Variants in AGPAT3 observed in about 807,000 individuals in gnomAD.
AGPAT3 encodes 1-acyl-sn-glycerol-3-phosphate acyltransferase gamma.
Under a neutral mutation model 47.3 loss-of-function variants are expected in AGPAT3, and 5 were observed. The observed-to-expected ratio is 0.11, with a 90% CI of 0.06 to 0.22. The LOEUF (loss-of-function observed/expected upper bound fraction) is 0.22, where lower values mean the gene tolerates loss of function less well. Among genes scored for constraint, AGPAT3 ranks in the 10% least tolerant of loss-of-function variants. The probability of loss-of-function intolerance (pLI) is 1.00; values close to 1 mark genes in which losing one functional copy is unlikely to be tolerated. For synonymous variants in AGPAT3, 212 were observed against 208.3 expected, an observed-to-expected ratio of 1.02 and a Z score of -0.15; for missense variants, 315 against 493.0, an observed-to-expected ratio of 0.64 and a Z score of 3.42.
rs188641237 is a variant in AGPAT3 at position 43,932,572 on chromosome 21, C to T, written c.-48-27062C>T. Among the ~76,000 whole-genome samples, 23 of 152,324 alleles carry T rather than the reference C, an allele frequency of 1.5e-4. No homozygotes were observed. The East Asian group carries it at 3.5e-3, about 23-fold the overall frequency. ...GGGGTGATGCTGCAGTGAACATGGG[C>T]GTGCCGGTGTCTATTTGACACACTG... On this transcript the variant is annotated intron_variant, in intron 2 of 9. Coordinates refer to ENST00000291572, the MANE Select transcript of AGPAT3 (RefSeq NM_020132.5). The surrounding 1 kb of genome is among the most constrained non-coding windows in gnomAD (Gnocchi z 5.2).
chr21:43,907,029 C>G (rs969666060), intron 2 of AGPAT3, among the ~76,000 whole-genome samples: 1 of 128,816 alleles, frequency 7.8e-6, no homozygotes, highest in African/African-American at 3.0e-5. Flanking sequence ...TCTTTTCTTT[C>G]TTTTTTTTTT....
chr21:43,959,868 C>T lies in AGPAT3; in HGVS notation c.178+9C>T, dbSNP rs2088742288. Reference sequence around the variant, plus strand: ...CTACTCACTCTGGAGCCGTGAGTGTCTGCTGGGCCAGTCCCTGCCGCCTGG... The same window carrying T: ...CTACTCACTCTGGAGCCGTGAGTGTTTGCTGGGCCAGTCCCTGCCGCCTGG... On this transcript the variant is annotated intron_variant, in intron 3 of 9. Transcript: ENST00000291572. 3 of 1,600,178 alleles carry T rather than the reference C, an allele frequency of 1.9e-6. No individual in the cohort carries two copies. Among genetic ancestry groups the T allele is most frequent in the Admixed American group, 3.4e-5 (2 of 58,520 alleles).
chr21:43,959,905 G>A, intron 3 of AGPAT3, 46 bp downstream of exon 3: 1 of 1,549,594 alleles, frequency 6.5e-7, no homozygotes, highest in Non-Finnish European at 8.7e-7. Flanking sequence ...GCTCCCGTGG[G>A]GGTGGCGCGC....
chr21:43,874,359 T>A (rs2085689061), intron 1 of AGPAT3, among the ~76,000 whole-genome samples: 1 of 152,266 alleles, frequency 6.6e-6, no homozygotes, highest in Non-Finnish European at 1.5e-5. Flanking sequence ...GTAGCTTTCC[T>A]ACTTAGTTCT....
At chr21:43,902,964 C>T (rs1286228524) in intron 1 of AGPAT3, among the ~76,000 whole-genome samples, 1 of 152,012 alleles carries the variant, frequency 6.6e-6, no homozygotes, top group East Asian at 1.9e-4. Flanking sequence ...TGTGCCACGG[C>T]GACTCCAGCC....
At chr21:43,973,758 A>T (rs2089492723) in intron 7 of AGPAT3, among the ~76,000 whole-genome samples, 1 of 152,178 alleles carries the variant, frequency 6.6e-6, no homozygotes, top group African/African-American at 2.4e-5. Flanking sequence ...TCCCCACAGC[A>T]TGGGGCTGGC....
Position 43,981,160 on chromosome 21 carries a change from C to G in AGPAT3, c.1015C>G (p.Leu339Val). Residue 339 changes from leucine to valine, a missense_variant, in exon 9 of 10, where the codon CTG becomes GTG. Leu to Val is a conservative substitution (Grantham distance 32, BLOSUM62 1). Coordinates refer to ENST00000291572, the MANE Select transcript of AGPAT3 (RefSeq NM_020132.5). This position sits in a 1 kb window ranked among gnomAD's most constrained non-coding sequence, Gnocchi z 5.3. Reference sequence around the variant, plus strand: ...TGCCAGCGGATCACCTCTCCTGATCCTGACTTTCTTGGGGTTTGTGGGAGC... The same window carrying G: ...TGCCAGCGGATCACCTCTCCTGATCGTGACTTTCTTGGGGTTTGTGGGAGC... Reference protein sequence around the residue: ...VFASGSPLLILTFLGFVGAAS... With the variant: ...VFASGSPLLIVTFLGFVGAAS... 1 of 1,614,184 alleles carries G rather than the reference C, an allele frequency of 6.2e-7. No individual in the cohort carries two copies. The highest frequency in any genetic ancestry group is 2.2e-5 in the East Asian group (1 of 44,862).
chr21:43,904,754 A>T (rs2086448030), intron 2 of AGPAT3, among the ~76,000 whole-genome samples: 1 of 152,066 alleles, frequency 6.6e-6, no homozygotes, highest in Admixed American at 6.5e-5. Context: ...GCTGTGGCTG[A>T]TGAGGCTGCA....
At chr21:43,881,039 G>A (rs952018464) in intron 1 of AGPAT3, among the ~76,000 whole-genome samples, 3 of 152,126 alleles carry the variant, frequency 2.0e-5, no homozygotes, top group African/African-American at 2.4e-5. Context: ...AAAGAAAATT[G>A]AGAAGAAAGT....
chr21:43,936,762 A>G (rs2146328897), intron 2 of AGPAT3, among the ~76,000 whole-genome samples: 1 of 152,322 alleles, frequency 6.6e-6, no homozygotes, highest in Middle Eastern at 3.4e-3. Context: ...GAGTGGAGCC[A>G]TGCCTGGCGC....
In AGPAT3 at chr21:43,895,668, A is replaced by G. The variant is rs374926020; in HGVS notation, c.-111-8289A>G. On this transcript the variant is annotated intron_variant, in intron 1 of 9. Transcript: ENST00000291572. The stretch of plus-strand genomic sequence containing the variant: ...AGTGGTGCGATCTTGGCTCGCTGCA[A>G]CCTCCACCTCGTGGGTTCAAGTGAT... 1.1e-3 allele frequency among the ~76,000 whole-genome samples: 168 copies of G among 152,054 alleles called. 2 individuals are homozygous for G. In the East Asian group the frequency reaches 0.028, roughly 26 times the overall value.
intron 2 of AGPAT3, chr21:43,916,476 T>C (rs1418124092): frequency 6.6e-6 from 1 of 152,136 alleles, no homozygotes; most frequent in Non-Finnish European, 1.5e-5. Context: ...TTTAGCGTTA[T>C]ATTCCTGATG....
intron 1 of AGPAT3, among the ~76,000 whole-genome samples, chr21:43,896,967 T>TC (rs1288214668): frequency 6.8e-6 from 1 of 146,500 alleles, no homozygotes; most frequent in African/African-American, 2.6e-5. Context: ...TTTTTTTTTT[T>TC]TCAGTATTTA....
chr21:43,975,197 TGTG>T (rs1284341434), intron 7 of AGPAT3, among the ~76,000 whole-genome samples: 3 of 150,548 alleles, frequency 2.0e-5, no homozygotes, highest in South Asian at 2.1e-4. Flanking sequence ...TGTGCTAACG[TGTG>T]GTGTGTTCTG....
chr21:43,867,677 G>T (rs901666751), intron 1 of AGPAT3: 1 of 152,240 alleles, frequency 6.6e-6, no homozygotes, highest in African/African-American at 2.4e-5. Context: ...CTGTTATAAG[G>T]TATCGCCGGT....
chr21:43,873,617 A>C (rs1251526641), intron 1 of AGPAT3, among the ~76,000 whole-genome samples: 2 of 152,164 alleles, frequency 1.3e-5, no homozygotes, highest in African/African-American at 4.8e-5. Context: ...ACCTCAGGTG[A>C]TCCTCCCACC....
At chr21:43,866,334 T>C (rs1269441205) in intron 1 of AGPAT3, among the ~76,000 whole-genome samples, 1 of 151,086 alleles carries the variant, frequency 6.6e-6, no homozygotes. Flanking sequence ...GTGATGAGCA[T>C]GCGGCTCTTA....
chr21:43,935,528 G>A (rs2087415288), intron 2 of AGPAT3, among the ~76,000 whole-genome samples: 1 of 152,250 alleles, frequency 6.6e-6, no homozygotes, highest in Admixed American at 6.5e-5. Context: ...GCGGCCTGCA[G>A]GGCGGCCTCT....
At chr21:43,870,214 T>C (rs907970739) in intron 1 of AGPAT3, among the ~76,000 whole-genome samples, 1 of 152,226 alleles carries the variant, frequency 6.6e-6, no homozygotes, top group Non-Finnish European at 1.5e-5. Context: ...TCAAATGCAC[T>C]ACAGCGATCA....
Sources: allele counts gnomAD v4.1 joint callset (sites outside exome capture counted in the v4.1 genomes callset), GRCh38; gene constraint gnomAD v4.1.1; non-coding constraint Gnocchi (gnomAD v3.1); transcripts MANE v1.5; gene names NCBI Gene and HGNC (gene_info 2026-07-23, HGNC 2026-07-21).